Variants in SNX2 observed in about 807,000 individuals in gnomAD.
The protein encoded by SNX2 is sorting nexin 2.
In SNX2, 25 loss-of-function variants were observed where a neutral mutation model predicts 69.9. That is an observed-to-expected ratio of 0.36 (90% CI 0.26 to 0.50). The LOEUF (loss-of-function observed/expected upper bound fraction) is 0.50. Ranked by LOEUF, SNX2 falls within the 20% of genes least tolerant of loss-of-function variation. SNX2 has a pLI of 0.97. For synonymous variants in SNX2, 229 were observed against 200.4 expected (o/e 1.14, Z -1.20); for missense variants, 551 against 613.3 (o/e 0.90, Z 1.07).
chr5:122,832,578 A>G lies in SNX2; in HGVS notation c.*2930A>G, dbSNP rs896506592. 2 of 152,014 alleles carry G rather than the reference A, an allele frequency of 1.3e-5. No individual in the cohort carries two copies. Among genetic ancestry groups the G allele is most frequent in the African/African-American group, 2.4e-5 (1 of 41,390 alleles). The allele number at this position is 152,014 out of a possible 1,614,324, so 9.4% of individuals were successfully genotyped here. The stretch of plus-strand genomic sequence containing the variant: ...AGATCTAGTAAAGTTTTCTGCATTC[A>G]TTGTATTAATGTTGGTTCAAAAGTA... On this transcript the variant is annotated 3_prime_UTR_variant, in exon 15 of 15. Transcript: ENST00000379516.
chr5:122,816,289 T>C (rs1753899526), intron 8 of SNX2, among the ~76,000 whole-genome samples: 1 of 148,210 alleles, frequency 6.7e-6, no homozygotes, highest in African/African-American at 2.5e-5. Flanking sequence ...GACTTCATTT[T>C]AGAGAAAGAG....
In SNX2 at chr5:122,803,608, T is replaced by TA; in HGVS notation, c.639dup (p.Val214SerfsTer10). 6.2e-7 allele frequency: 1 copy of TA among 1,600,290 alleles called. No individual in the cohort carries two copies. The highest frequency in any genetic ancestry group is 8.5e-7 in the Non-Finnish European group (1 of 1,175,082). ...GTGCCACCAGCTCCAGAAAAGAGTATAGTAGGTAAGCACAAATTTTTCAAA... is the reference window on the plus strand; with the variant it reads ...GTGCCACCAGCTCCAGAAAAGAGTATAAGTAGGTAAGCACAAATTTTTCAAA... On this transcript the variant is annotated frameshift_variant, in exon 6 of 15. Transcript: ENST00000379516. LOFTEE classifies it high-confidence loss of function.
At chr5:122,778,791 T>A (rs2149999274) in intron 1 of SNX2, among the ~76,000 whole-genome samples, 1 of 152,326 alleles carries the variant, frequency 6.6e-6, no homozygotes, top group Middle Eastern at 3.4e-3. Context: ...GTATATTTTT[T>A]AACCCAATAT....
rs1754321707 is a variant in SNX2 at position 122,832,722 on chromosome 5, A to G, written c.*3074A>G. 1 of 152,222 alleles carries G rather than the reference A, an allele frequency of 6.6e-6. No individual in the cohort carries two copies. The highest frequency in any genetic ancestry group is 2.4e-5 in the African/African-American group (1 of 41,460). The allele number at this position is 152,222 out of a possible 1,614,324, so 9.4% of individuals were successfully genotyped here. A position where few individuals can be genotyped will look rare whatever the true frequency, so the allele number is the denominator to read the frequency against. On this transcript the variant is annotated 3_prime_UTR_variant, in exon 15 of 15. Coordinates refer to ENST00000379516, the MANE Select transcript of SNX2 (RefSeq NM_003100.4). ...GTCAGATGAGTAGAGAAGGAAAGTT[A>G]TATTCCTTTACAAATGCTCTTAATT...
chr5:122,827,660 G>A lies in SNX2; in HGVS notation c.1509+14G>A. On this transcript the variant is annotated intron_variant, in intron 14 of 14. Coordinates refer to ENST00000379516, the MANE Select transcript of SNX2 (RefSeq NM_003100.4). ...ACACAACAACAGGTAAGCCATTTTT[G>A]TTTATAACTTAAACTTCTAGAATTT... 6.3e-7 allele frequency: 1 copy of A among 1,582,028 alleles called. No homozygotes were observed. The highest frequency in any genetic ancestry group is 2.2e-5 in the East Asian group (1 of 44,620).
intron 1 of SNX2, among the ~76,000 whole-genome samples, chr5:122,791,692 C>T (rs1753243631): frequency 6.6e-6 from 1 of 152,160 alleles, no homozygotes; most frequent in African/African-American, 2.4e-5. Flanking sequence ...GCTGGGATTA[C>T]AGGCGTAAGC....
intron 2 of SNX2, among the ~76,000 whole-genome samples, chr5:122,799,039 T>G (rs1231315112): frequency 6.6e-6 from 1 of 152,206 alleles, no homozygotes; most frequent in African/African-American, 2.4e-5. Flanking sequence ...TCTGTTGCAC[T>G]TAGCACAATG....
intron 6 of SNX2, among the ~76,000 whole-genome samples, chr5:122,806,599 TTTTATTTA>T (rs140249573): frequency 0.2 from 30,693 of 150,466 alleles, 3,513 homozygotes; most frequent in East Asian, 0.46. Context: ...TTGTTTGGGG[TTTTATTTA>T]TTTATTTATT....
intron 1 of SNX2, among the ~76,000 whole-genome samples, chr5:122,793,921 A>G (rs1194322954): frequency 6.7e-6 from 1 of 149,906 alleles, no homozygotes; most frequent in African/African-American, 2.5e-5. Context: ...CCCCCCAAAA[A>G]AAAAAAAAAA....
chr5:122,821,455 C>CTTTTT (rs761842728), intron 11 of SNX2, among the ~76,000 whole-genome samples: 1 of 138,140 alleles, frequency 7.2e-6, no homozygotes, highest in Admixed American at 7.3e-5. Context: ...AAGTAGATGT[C>CTTTTT]CTTTTTTTTT....
At position 122,829,783 on chromosome 5, in the gene SNX2, C is replaced by T. The variant is rs1045913310; in HGVS notation, c.*135C>T. On this transcript the variant is annotated 3_prime_UTR_variant, in exon 15 of 15. Coordinates refer to ENST00000379516, the MANE Select transcript of SNX2 (RefSeq NM_003100.4). ...TTACATGTGGTTTTATATACACACA[C>T]ACACACACACACACACACACACACA... 3.1e-4 allele frequency: 80 copies of T among 257,976 alleles called. No homozygotes were observed. Among genetic ancestry groups the T allele is most frequent in the South Asian group, 1.2e-3 (17 of 13,884 alleles). 16.0% of individuals were successfully genotyped at this position (257,976 alleles called of 1,614,324 possible).
In SNX2 at chr5:122,803,399, A is replaced by G. The variant is rs147769824; in HGVS notation, c.502-73A>G. 1.8e-4 allele frequency: 253 copies of G among 1,429,762 alleles called. No homozygotes were observed. In the East Asian group the frequency reaches 3.2e-3, roughly 18 times the overall value. 88.6% of individuals were successfully genotyped at this position (1,429,762 alleles called of 1,614,324 possible). ...AAGTAGATACATGTATGTGTTCACA[A>G]TTATGTATAACATTAACTTGTGGAA... On this transcript the variant is annotated intron_variant, in intron 5 of 14. Transcript: ENST00000379516.
chr5:122,793,839 G>A (rs1412186316), intron 1 of SNX2, among the ~76,000 whole-genome samples: 2 of 151,454 alleles, frequency 1.3e-5, no homozygotes, highest in Non-Finnish European at 2.9e-5. Context: ...CTTGAACCCG[G>A]GAAGCAGAGG....
At chr5:122,813,767 CTTTT>C (rs546503535) in intron 7 of SNX2, among the ~76,000 whole-genome samples, 3 of 115,362 alleles carry the variant, frequency 2.6e-5, no homozygotes, top group East Asian at 2.7e-4. Context: ...AGAATATTTC[CTTTT>C]TTTTTTTTTT....
At chr5:122,775,073 C>G (rs527273952), upstream of SNX2, 19 of 1,560,024 alleles carry the variant, frequency 1.2e-5, no homozygotes, top group Middle Eastern at 1.7e-4. Flanking sequence ...TCCGCGAGGC[C>G]CAGCTCGCGC....
intron 10 of SNX2, 65 bp downstream of exon 10, chr5:122,817,438 T>G: frequency 9.9e-7 from 1 of 1,012,374 alleles, no homozygotes; most frequent in South Asian, 1.7e-5. Context: ...TTATTTAAAT[T>G]TTATGAAAAT....
Position 122,775,092 on chromosome 5 carries a change from G to C in SNX2, c.-12G>C. 6.3e-7 allele frequency: 1 copy of C among 1,576,596 alleles called. No homozygotes were observed. Among genetic ancestry groups the C allele is most frequent in the Non-Finnish European group, 8.6e-7 (1 of 1,162,312 alleles). ...CGAGGCCCAGCTCGCGCAGTCGTTC[G>C]GGTGAGCGAAGATGGCGGCCGAGAG... On this transcript the variant is annotated 5_prime_UTR_variant, in exon 1 of 15. Coordinates refer to ENST00000379516, the MANE Select transcript of SNX2 (RefSeq NM_003100.4).
intron 12 of SNX2, chr5:122,826,754 A>G: frequency 2.6e-6 from 1 of 379,672 alleles, no homozygotes; most frequent in Non-Finnish European, 3.6e-6. Context: ...CATTGCTTAA[A>G]TCTTCAGTTA....
chr5:122,816,816 G>GT (rs1203936540), intron 8 of SNX2, 99 bp from the exon 9 acceptor site: 4 of 550,400 alleles, frequency 7.3e-6, no homozygotes, highest in Non-Finnish European at 1.3e-5. Flanking sequence ...AAATTTGTAT[G>GT]TGGGGGGGAG....
Sources: allele counts gnomAD v4.1 joint callset (sites outside exome capture counted in the v4.1 genomes callset), GRCh38; gene constraint gnomAD v4.1.1; transcripts MANE v1.5; gene names NCBI Gene and HGNC (gene_info 2026-07-23, HGNC 2026-07-21).